FAM114A1: variants seen among roughly 807,000 people sequenced by gnomAD.
FAM114A1 encodes the protein family with sequence similarity 114 member A1.
In FAM114A1, 62 loss-of-function variants were observed where a neutral mutation model predicts 64.3. That is an observed-to-expected ratio of 0.96 (90% confidence interval 0.79 to 1.19). FAM114A1 has a LOEUF of 1.19. FAM114A1 is among the 50% of genes most tolerant of loss of function. FAM114A1 has a pLI of 0.00. For missense variants in FAM114A1, 645 were observed against 676.3 expected (o/e 0.95, Z 0.51); for synonymous variants, 254 against 251.1 (o/e 1.01, Z -0.11).
At chr4:38,918,828 G>T (rs1032853338) in intron 8 of FAM114A1, among the ~76,000 whole-genome samples, 1 of 152,040 alleles carries the variant, frequency 6.6e-6, no homozygotes, top group Admixed American at 6.6e-5. Flanking sequence ...AGGCATGGTG[G>T]CACTGCCTAT....
chr4:38,883,053 A>C (rs2109569318), intron 3 of FAM114A1, among the ~76,000 whole-genome samples: 1 of 152,342 alleles, frequency 6.6e-6, no homozygotes, highest in African/African-American at 2.4e-5. Context: ...CTTCTCCTGT[A>C]GGAACCCACT....
At chr4:38,930,623 A>G (rs998513143) in intron 10 of FAM114A1, among the ~76,000 whole-genome samples, 1 of 152,190 alleles carries the variant, frequency 6.6e-6, no homozygotes, top group Non-Finnish European at 1.5e-5. Context: ...TTAACTTACC[A>G]TTCAACACTC....
At position 38,922,806 on chromosome 4, in the gene FAM114A1, C is replaced by A. The variant is rs1337960635; in HGVS notation, c.982C>A (p.Leu328Met). ...TTTAGCATCACTTGATGGAGAGAAG[C>A]TGGAACTCTTAAAAAATGACCTAAT... ...SFLASLDGEK[L>M]ELLKNDLISI... Residue 328 changes from leucine to methionine, a missense_variant, in exon 9 of 15, where the codon CTG (leucine) becomes ATG (methionine). Coordinates refer to ENST00000358869, the MANE Select transcript of FAM114A1 (RefSeq NM_138389.4). The A allele has an allele frequency of 1.9e-6, 3 of 1,613,482 alleles. No individual in the cohort carries two copies. Among genetic ancestry groups the A allele is most frequent in the Non-Finnish European group, 2.5e-6 (3 of 1,179,826 alleles).
chr4:38,925,192 AACC>A (rs1719994207), intron 9 of FAM114A1, among the ~76,000 whole-genome samples: 1 of 152,180 alleles, frequency 6.6e-6, no homozygotes, highest in Non-Finnish European at 1.5e-5. Context: ...AATTTGACAA[AACC>A]CTGTTATCTC....
In FAM114A1 at chr4:38,908,731, G is replaced by A; in HGVS notation, c.792+5G>A. 3 of 1,564,858 alleles carry A rather than the reference G, an allele frequency of 1.9e-6. No homozygotes were observed. ...AGAACTGTTTCCTTGTCTCAGGTTG[G>A]ATTATATACGTTTGCAATTTTTTCT... On this transcript the variant is annotated splice_donor_5th_base_variant and intron_variant, in intron 7 of 14. Transcript: ENST00000358869.
intron 3 of FAM114A1, 71 bp downstream of exon 3, chr4:38,878,497 C>A: frequency 7.2e-7 from 1 of 1,394,594 alleles, no homozygotes. Flanking sequence ...GAGCTAGCAC[C>A]AAGCTCTGTG....
rs572899124 is a variant in FAM114A1 at position 38,897,232 on chromosome 4, T to C, written c.436+5402T>C. Among the ~76,000 whole-genome samples the C allele has an allele frequency of 3.9e-5, 6 of 152,320 alleles. No individual in the cohort carries two copies. In the South Asian group the frequency reaches 1.2e-3, roughly 32 times the overall value. ...GCCCTTAACCTAAGACTCAGGTTCT[T>C]TGTATGGAAAAACGTGGGTGAAAAA... On this transcript the variant is annotated intron_variant, in intron 4 of 14. Coordinates refer to ENST00000358869, the MANE Select transcript of FAM114A1 (RefSeq NM_138389.4).
In FAM114A1 at chr4:38,915,051, T is replaced by C; in HGVS notation, c.923T>C (p.Leu308Pro). 6.2e-7 allele frequency: 1 copy of C among 1,614,168 alleles called. No homozygotes were observed. The highest frequency in any genetic ancestry group is 8.5e-7 in the Non-Finnish European group (1 of 1,180,010). ...TCACACCTGGAAGCCCTGGAAATTC[T>C]GTCCAATGAAAGCGAAAGCAAGGTA... ...GLSHLEALEI[L>P]SNESESKVQS... is the part of the protein sequence containing the mutation. Residue 308 changes from leucine to proline, a missense_variant, in exon 8 of 15, where the codon CTG (leucine) becomes CCG (proline). Physicochemically the swap from Leu to Pro is moderately conservative, Grantham distance 98. Coordinates refer to ENST00000358869, the MANE Select transcript of FAM114A1 (RefSeq NM_138389.4).
chr4:38,885,419 G>A (rs766878280), intron 3 of FAM114A1, among the ~76,000 whole-genome samples: 10 of 152,062 alleles, frequency 6.6e-5, no homozygotes, highest in African/African-American at 9.7e-5. Context: ...AGGACTACAT[G>A]TGCATGCCAC....
chr4:38,906,850 T>C (rs1718057549), intron 6 of FAM114A1, among the ~76,000 whole-genome samples: 1 of 152,228 alleles, frequency 6.6e-6, no homozygotes, highest in African/African-American at 2.4e-5. Flanking sequence ...AACTAACTAG[T>C]TTTTCTAAAA....
At chr4:38,869,685 T>C (rs961570503) in intron 2 of FAM114A1, among the ~76,000 whole-genome samples, 1 of 152,042 alleles carries the variant, frequency 6.6e-6, no homozygotes, top group Non-Finnish European at 1.5e-5. Flanking sequence ...CCAGAGTTTT[T>C]ATTCCTGGTC....
At chr4:38,877,929 A>G (rs980894179) in intron 2 of FAM114A1, 142 bp from the exon 3 acceptor site, 1 of 664,530 alleles carries the variant, frequency 1.5e-6, no homozygotes, top group Admixed American at 3.2e-5. Flanking sequence ...ATGCCATTGC[A>G]CTCCAGCCTA....
rs748668113 is a variant in FAM114A1 at position 38,929,287 on chromosome 4, T to G, written c.1115T>G (p.Leu372Arg). The change falls in exon 10 of 15, where the codon CTT becomes CGT. Residue 372 changes from leucine (L) to arginine (R), a missense_variant. Physicochemically the swap from Leu to Arg is moderately radical, Grantham distance 102 (BLOSUM62 -2). Coordinates refer to ENST00000358869, the MANE Select transcript of FAM114A1 (RefSeq NM_138389.4). ...GAATTTGCTCGCATGCTTACAGAGC[T>G]TCTCTTTGAATTACATGTGGCGGCC... ...GEEFARMLTE[L>R]LFELHVAATP... is the part of the protein sequence containing the mutation. 5.6e-6 allele frequency: 9 copies of G among 1,613,986 alleles called. No homozygotes were observed. The South Asian group carries it at 8.8e-5, about 16-fold the overall frequency.
At chr4:38,925,647 C>T (rs1720033611) in intron 9 of FAM114A1, among the ~76,000 whole-genome samples, 1 of 152,118 alleles carries the variant, frequency 6.6e-6, no homozygotes, top group Non-Finnish European at 1.5e-5. Flanking sequence ...TAATGATTTG[C>T]ATGTTTGTTT....
chr4:38,941,844 T>G (rs991462495), intron 14 of FAM114A1, among the ~76,000 whole-genome samples: 4 of 152,140 alleles, frequency 2.6e-5, no homozygotes, highest in Non-Finnish European at 4.4e-5. Context: ...CATTGCAAAA[T>G]TTGGAAATTA....
chr4:38,899,687 A>G (rs543489524), intron 4 of FAM114A1, among the ~76,000 whole-genome samples: 1 of 152,316 alleles, frequency 6.6e-6, no homozygotes, highest in East Asian at 1.9e-4. Context: ...AAAAGCTCCA[A>G]GCATTGCTTT....
intron 3 of FAM114A1, among the ~76,000 whole-genome samples, chr4:38,887,041 G>A (rs1280795660): frequency 2.0e-5 from 3 of 147,880 alleles, no homozygotes; most frequent in Admixed American, 6.7e-5. Flanking sequence ...AGATGTGTAG[G>A]TGGAGGTGCT....
intron 4 of FAM114A1, among the ~76,000 whole-genome samples, chr4:38,898,657 C>T (rs1393979601): frequency 1.3e-5 from 2 of 152,098 alleles, no homozygotes; most frequent in African/African-American, 4.8e-5. Context: ...TTCAGTAACA[C>T]TTCTTGTCTA....
At position 38,936,374 on chromosome 4, in the gene FAM114A1, G is replaced by A. The variant is rs188407632; in HGVS notation, c.1536+584G>A. Among the ~76,000 whole-genome samples the A allele has an allele frequency of 6.3e-3, 952 of 151,716 alleles. 7 individuals are homozygous for A. Among genetic ancestry groups the A allele is most frequent in the African/African-American group, 0.022 (910 of 41,402 alleles). On this transcript the variant is annotated intron_variant, in intron 13 of 14. Coordinates refer to ENST00000358869, the MANE Select transcript of FAM114A1 (RefSeq NM_138389.4). ...CCTGCAAAGTGCTGGGATTACAGGC[G>A]TGAGCCACCGCGCCTGGCCTGTTTG... is the stretch of plus-strand genomic sequence containing the variant.
Sources: allele counts gnomAD v4.1 joint callset (sites outside exome capture counted in the v4.1 genomes callset), GRCh38; gene constraint gnomAD v4.1.1; transcripts MANE v1.5; gene names NCBI Gene and HGNC (gene_info 2026-07-23, HGNC 2026-07-21).